Variants in SERGEF observed in about 807,000 individuals in gnomAD.
The protein encoded by SERGEF is secretion-regulating guanine nucleotide exchange factor.
Under a neutral mutation model 50.0 loss-of-function variants are expected in SERGEF, and 51 were observed. That is an observed-to-expected ratio of 1.02 (90% CI 0.81 to 1.29). SERGEF has a LOEUF of 1.29. Ranked by LOEUF, SERGEF falls within the 50% of genes most tolerant of loss-of-function variation. The probability of loss-of-function intolerance (pLI) is 0.00; values close to 1 mark genes in which losing one functional copy is unlikely to be tolerated. For synonymous variants in SERGEF, 205 were observed against 212.4 expected, an observed-to-expected ratio of 0.97 and a Z score of 0.30; for missense variants, 521 against 557.0, an observed-to-expected ratio of 0.94 and a Z score of 0.65.
chr11:17,883,640 G>A (rs960817756), intron 9 of SERGEF, among the ~76,000 whole-genome samples: 2 of 152,114 alleles, frequency 1.3e-5, no homozygotes, highest in African/African-American at 4.8e-5. Context: ...TCCTCAAAAC[G>A]GTATGTACCC....
At chr11:17,964,754 C>T (rs1853082454) in intron 8 of SERGEF, among the ~76,000 whole-genome samples, 2 of 152,192 alleles carry the variant, frequency 1.3e-5, no homozygotes, top group South Asian at 4.1e-4. Context: ...TTTACAAATA[C>T]AAGCACCAGT....
rs143073152 is a variant in SERGEF at position 17,984,904 on chromosome 11, A to G, written c.844+3693T>C. On this transcript the variant is annotated intron_variant, in intron 8 of 10. Transcript: ENST00000265965. Reference sequence around the variant, plus strand: ...ACAAAACAGACACTGCTCTCATGTAATTTACAGTCTAGACATTAAACAAAT... The same window carrying G: ...ACAAAACAGACACTGCTCTCATGTAGTTTACAGTCTAGACATTAAACAAAT... 4.8e-3 allele frequency among the ~76,000 whole-genome samples: 724 copies of G among 152,312 alleles called. 8 individuals carry two copies. The highest frequency in any genetic ancestry group is 0.016 in the African/African-American group (671 of 41,568).
chr11:17,903,855 C>A (rs527652390), intron 9 of SERGEF, among the ~76,000 whole-genome samples: 1 of 152,196 alleles, frequency 6.6e-6, no homozygotes, highest in African/African-American at 2.4e-5. Flanking sequence ...AAGAGGACAG[C>A]CGTGGAGAAA....
At chr11:17,866,883 G>C (rs537868253) in intron 10 of SERGEF, 1 of 152,332 alleles carries the variant, frequency 6.6e-6, no homozygotes, top group African/African-American at 2.4e-5. Context: ...CAAAGAGAGA[G>C]CTTGTGCAGA....
intron 10 of SERGEF, among the ~76,000 whole-genome samples, chr11:17,864,625 G>A (rs1330751038): frequency 6.6e-6 from 1 of 152,192 alleles, no homozygotes; most frequent in African/African-American, 2.4e-5. Context: ...TGTGGTAGTG[G>A]CAACGAATAT....
At chr11:17,943,530 T>C (rs577275348) in intron 9 of SERGEF, among the ~76,000 whole-genome samples, 2 of 152,296 alleles carry the variant, frequency 1.3e-5, no homozygotes, top group Non-Finnish European at 2.9e-5. Context: ...TTTTGAACTT[T>C]TATTTTTCTC....
At chr11:17,851,639 G>T (rs890319976) in intron 10 of SERGEF, among the ~76,000 whole-genome samples, 1 of 152,192 alleles carries the variant, frequency 6.6e-6, no homozygotes, top group African/African-American at 2.4e-5. Flanking sequence ...ATGGATGAGG[G>T]TTATGGATGA....
At chr11:17,849,798 C>G (rs1261786188) in intron 10 of SERGEF, among the ~76,000 whole-genome samples, 1 of 152,202 alleles carries the variant, frequency 6.6e-6, no homozygotes, top group African/African-American at 2.4e-5. Context: ...ACGGTCAATA[C>G]CATCAGTAAG....
chr11:17,888,657 AC>A lies in SERGEF; in HGVS notation c.1012-10414del, dbSNP rs1296932317. The stretch of plus-strand genomic sequence containing the variant: ...CACACACACACACACACACACACAC[AC>A]ACACACACACACACACACACGCATT... On this transcript the variant is annotated intron_variant, in intron 9 of 10. Transcript: ENST00000265965. This position sits in a 1 kb window ranked among gnomAD's most constrained non-coding sequence, Gnocchi z 4.1. Among the ~76,000 whole-genome samples, 115 of 151,280 alleles carry A rather than the reference AC, an allele frequency of 7.6e-4. No homozygotes were observed. Among genetic ancestry groups the A allele is most frequent in the African/African-American group, 2.8e-3 (115 of 41,202 alleles).
chr11:17,981,163 T>C (rs960644655), intron 8 of SERGEF, among the ~76,000 whole-genome samples: 3 of 152,256 alleles, frequency 2.0e-5, no homozygotes, highest in African/African-American at 7.2e-5. Flanking sequence ...AATCTTTTTA[T>C]TCTTCTACTA....
At chr11:17,931,294 C>T (rs749645089) in intron 9 of SERGEF, among the ~76,000 whole-genome samples, 2 of 152,154 alleles carry the variant, frequency 1.3e-5, no homozygotes, top group Non-Finnish European at 2.9e-5. Flanking sequence ...AAAAATCATA[C>T]TACTATCAGA....
At position 18,013,021 on chromosome 11, in the gene SERGEF, T is replaced by C. The variant is rs1049525459; in HGVS notation, c.-11A>G. On this transcript the variant is annotated 5_prime_UTR_variant, in exon 1 of 11. Transcript: ENST00000265965. The surrounding 1 kb of genome is among the most constrained non-coding windows in gnomAD (Gnocchi z 4.3). Reference sequence around the variant, plus strand: ...GGGCTCGCGCTCCATGCGAGGACGCTCCGCCGGCGCTTCCGGGAGGGACGG... The same window carrying C: ...GGGCTCGCGCTCCATGCGAGGACGCCCCGCCGGCGCTTCCGGGAGGGACGG... The C allele has an allele frequency of 1.1e-4, 154 of 1,370,272 alleles. No individual in the cohort carries two copies. The highest frequency in any genetic ancestry group is 1.4e-4 in the Non-Finnish European group (147 of 1,072,672). The allele number at this position is 1,370,272 out of a possible 1,614,324, so 84.9% of individuals were successfully genotyped here. A position where few individuals can be genotyped will look rare whatever the true frequency, so the allele number is the denominator to read the frequency against.
At position 17,894,547 on chromosome 11, in the gene SERGEF, A is replaced by T. The variant is rs565494237; in HGVS notation, c.1012-16303T>A. Among the ~76,000 whole-genome samples the T allele has an allele frequency of 2.2e-4, 34 of 152,222 alleles. No homozygotes were observed. In the South Asian group the frequency reaches 6.8e-3, roughly 31 times the overall value. On this transcript the variant is annotated intron_variant, in intron 9 of 10. Transcript: ENST00000265965. ...TTTCAAATCTGTCTCTTCCCAAATTATATTGATTATAACTTTCTTAATCAC... is the reference window on the plus strand; with the variant it reads ...TTTCAAATCTGTCTCTTCCCAAATTTTATTGATTATAACTTTCTTAATCAC...
chr11:17,994,308 T>C (rs1480293218), intron 6 of SERGEF, among the ~76,000 whole-genome samples: 14 of 151,792 alleles, frequency 9.2e-5, no homozygotes, highest in Non-Finnish European at 5.9e-5. Context: ...ACCCTGTCTC[T>C]ACTAAAAATA....
chr11:18,006,520 A>C, intron 3 of SERGEF, 71 bp downstream of exon 3: 2 of 1,389,880 alleles, frequency 1.4e-6, no homozygotes, highest in Admixed American at 2.1e-5. Context: ...TTTAATCTGC[A>C]GTCACCATCA....
At chr11:17,880,617 A>G (rs1851319006) in intron 9 of SERGEF, among the ~76,000 whole-genome samples, 8 of 152,258 alleles carry the variant, frequency 5.3e-5, no homozygotes, top group Admixed American at 2.6e-4. Context: ...CTTTTTTTCT[A>G]TACTCCGAAT....
At chr11:17,849,726 G>A (rs142343672) in intron 10 of SERGEF, among the ~76,000 whole-genome samples, 1,856 of 152,248 alleles carry the variant, frequency 0.012, 29 homozygotes, top group Non-Finnish European at 0.014. Context: ...CCCAGCAAGG[G>A]AAATATTATT....
intron 5 of SERGEF, chr11:17,999,447 C>T (rs1411560170): frequency 6.2e-6 from 2 of 324,804 alleles, no homozygotes; most frequent in Non-Finnish European, 1.2e-5. Flanking sequence ...ATAATCAATG[C>T]TAAGCCCAGG....
Position 17,827,301 on chromosome 11 carries a change from G to A in SERGEF, c.1049-38888C>T, listed in dbSNP as rs572109098. Among the ~76,000 whole-genome samples, 3 of 152,290 alleles carry A rather than the reference G, an allele frequency of 2.0e-5. No homozygotes were observed. The South Asian group carries it at 6.2e-4, about 32-fold the overall frequency. On this transcript the variant is annotated intron_variant, in intron 10 of 10. Coordinates refer to ENST00000265965, the MANE Select transcript of SERGEF (RefSeq NM_012139.4). ...GCCAGGGGACTGCATCAGGGCCGCT[G>A]GATCATAATCAGCTCCTATGGCTGG...
Sources: allele counts gnomAD v4.1 joint callset (sites outside exome capture counted in the v4.1 genomes callset), GRCh38; gene constraint gnomAD v4.1.1; non-coding constraint Gnocchi (gnomAD v3.1); transcripts MANE v1.5; gene names NCBI Gene and HGNC (gene_info 2026-07-23, HGNC 2026-07-21).